The following CC2D2B variants were observed in gnomAD, a reference collection of about 807,000 sequenced individuals.
CC2D2B encodes protein CC2D2B.
In CC2D2B, 128 loss-of-function variants were observed where a neutral mutation model predicts 161.2. That is an observed-to-expected ratio of 0.79 (90% CI 0.69 to 0.92). The LOEUF is 0.92. Among genes scored for constraint, CC2D2B ranks in the 40% least tolerant of loss-of-function variants. The pLI, the probability that CC2D2B is intolerant of heterozygous loss-of-function variation, is 0.00. For synonymous variants in CC2D2B, 391 were observed against 449.8 expected, an observed-to-expected ratio of 0.87 and a Z score of 1.65; for missense variants, 1,173 against 1,375.1, an observed-to-expected ratio of 0.85 and a Z score of 2.32.
chr10:96,005,332 C>T (rs1207383675), intron 25 of CC2D2B, among the ~76,000 whole-genome samples: 1 of 151,930 alleles, frequency 6.6e-6, no homozygotes, highest in East Asian at 1.9e-4. Context: ...GAATGAGATC[C>T]ACATGCTTTA....
intron 28 of CC2D2B, among the ~76,000 whole-genome samples, chr10:96,013,490 A>AATT (rs1352508222): frequency 1.1e-5 from 1 of 88,788 alleles, no homozygotes; most frequent in Non-Finnish European, 2.3e-5. Context: ...TTTTAGTAAT[A>AATT]AATTAAATAA....
At chr10:95,922,768 T>A (rs1449717648) in intron 3 of CC2D2B, among the ~76,000 whole-genome samples, 1 of 152,128 alleles carries the variant, frequency 6.6e-6, no homozygotes, top group African/African-American at 2.4e-5. Flanking sequence ...AAATAACACA[T>A]GGCTTGGAGT....
chr10:95,961,241 G>A (rs148681668), intron 11 of CC2D2B, among the ~76,000 whole-genome samples: 108 of 152,094 alleles, frequency 7.1e-4, no homozygotes, highest in African/African-American at 2.3e-3. Context: ...ATCTTGTAGC[G>A]TTCTGGCAGG....
In CC2D2B at chr10:95,940,854, T is replaced by C. The variant is rs1272568929; in HGVS notation, c.801+1929T>C. ...CATTTCAAACTCCCAATGACATTTT[T>C]TTACAGAAATGGAAAAAAAATCCAA... On this transcript the variant is annotated intron_variant, in intron 9 of 34. Coordinates refer to ENST00000646931, the MANE Select transcript of CC2D2B (RefSeq NM_001349008.3). 3.9e-5 allele frequency among the ~76,000 whole-genome samples: 6 copies of C among 152,102 alleles called. No homozygotes were observed. The East Asian group carries it at 1.2e-3, about 29-fold the overall frequency.
intron 10 of CC2D2B, among the ~76,000 whole-genome samples, chr10:95,953,427 C>G (rs186505667): frequency 8.5e-5 from 13 of 152,270 alleles, no homozygotes; most frequent in African/African-American, 2.9e-4. Flanking sequence ...ACCTTGAAAT[C>G]TTGGCCTCAA....
chr10:95,936,732 G>C (rs2075835132), intron 6 of CC2D2B, among the ~76,000 whole-genome samples: 1 of 152,050 alleles, frequency 6.6e-6, no homozygotes, highest in Non-Finnish European at 1.5e-5. Flanking sequence ...TAAAAATATA[G>C]GCAGATTGGG....
At chr10:95,990,749 T>C (rs1171571567) in intron 20 of CC2D2B, among the ~76,000 whole-genome samples, 1 of 152,100 alleles carries the variant, frequency 6.6e-6, no homozygotes, top group African/African-American at 2.4e-5. Context: ...TGGTTTCATA[T>C]CTGAAAAACT....
At chr10:95,922,547 A>G (rs7905861) in intron 3 of CC2D2B, among the ~76,000 whole-genome samples, 42,711 of 152,192 alleles carry the variant, frequency 0.28, 6,586 homozygotes, top group African/African-American at 0.41. Flanking sequence ...GTGGTTAAAC[A>G]TGAAGATTCT....
chr10:95,967,433 A>T (rs1239803082), intron 14 of CC2D2B, among the ~76,000 whole-genome samples: 1 of 151,818 alleles, frequency 6.6e-6, no homozygotes, highest in Non-Finnish European at 1.5e-5. Context: ...ATCTTTGCAA[A>T]GCCATTGCCA....
chr10:95,929,600 A>G (rs1422580520), intron 6 of CC2D2B, among the ~76,000 whole-genome samples: 1 of 152,176 alleles, frequency 6.6e-6, no homozygotes, highest in Non-Finnish European at 1.5e-5. Context: ...GTCCAGTTTC[A>G]GTTTTCGGCA....
At chr10:95,918,827 CTG>C (rs2098521413) in intron 2 of CC2D2B, 1 of 151,994 alleles carries the variant, frequency 6.6e-6, no homozygotes, top group African/African-American at 2.4e-5. Flanking sequence ...TCTCCTCTGA[CTG>C]TGTATTTTCA....
At chr10:95,974,188 C>T (rs1359420101) in intron 17 of CC2D2B, 32 bp downstream of exon 17, 10 of 1,172,664 alleles carry the variant, frequency 8.5e-6, no homozygotes, top group South Asian at 8.7e-5. Flanking sequence ...AAAATAATGC[C>T]AGGTCTCAGC....
intron 29 of CC2D2B, 35 bp from the exon 30 acceptor site, chr10:96,016,166 C>CT: frequency 1.4e-6 from 2 of 1,463,788 alleles, no homozygotes; most frequent in Non-Finnish European, 1.9e-6. Context: ...CCGCACTTTT[C>CT]TTTTTTTGTT....
At chr10:96,026,174 G>C (rs2079766171) in intron 33 of CC2D2B, among the ~76,000 whole-genome samples, 1 of 152,128 alleles carries the variant, frequency 6.6e-6, no homozygotes, top group African/African-American at 2.4e-5. Context: ...GCTAAGAAGA[G>C]ACCTCCAGCA....
intron 31 of CC2D2B, 67 bp from the exon 32 acceptor site, chr10:96,019,635 T>C (rs2079367440): frequency 1.3e-6 from 2 of 1,489,478 alleles, no homozygotes; most frequent in Non-Finnish European, 1.8e-6. Context: ...ATTTTGCTCC[T>C]TCCTTACCAA....
chr10:95,924,453 C>A (rs1420315867), intron 4 of CC2D2B, 63 bp downstream of exon 4: 18 of 921,706 alleles, frequency 2.0e-5, no homozygotes, highest in Non-Finnish European at 2.8e-5. Flanking sequence ...TTAACACAAT[C>A]AAGTTTTCTT....
Position 95,965,984 on chromosome 10 carries a change from G to A in CC2D2B, c.1339G>A (p.Gly447Arg), listed in dbSNP as rs1465368717. The change falls in exon 13 of 35, where the codon GGG becomes AGG. Residue 447 changes from glycine (G) to arginine (R), a missense_variant. Gly to Arg is a moderately radical substitution (Grantham distance 125, BLOSUM62 -2). Coordinates refer to ENST00000646931, the MANE Select transcript of CC2D2B (RefSeq NM_001349008.3). ...AAATGAAGGAAAAGAACTTAAGAAT[G>A]GGAAAAAACTGGAGGTATTTATATT... ...KKNEGKELKN[G>R]KKLESLSYLA... 1.5e-5 allele frequency: 18 copies of A among 1,183,844 alleles called. No individual in the cohort carries two copies. The highest frequency in any genetic ancestry group is 1.9e-5 in the Non-Finnish European group (18 of 944,608). 73.3% of individuals were successfully genotyped at this position (1,183,844 alleles called of 1,614,324 possible). A position where few individuals can be genotyped will look rare whatever the true frequency, so the allele number is the denominator to read the frequency against.
Position 96,004,015 on chromosome 10 carries a change from A to G in CC2D2B, c.2850-137A>G, listed in dbSNP as rs560379545. ...AAAGGTAGCAGCCAGTCTTCAGAAC[A>G]TAGAACTTTTTCTTAGTTTATACTT... On this transcript the variant is annotated intron_variant, in intron 24 of 34. Transcript: ENST00000646931. The G allele has an allele frequency of 1.6e-5, 9 of 562,276 alleles. No individual in the cohort carries two copies. The East Asian group carries it at 2.0e-4, about 13-fold the overall frequency. 34.8% of individuals were successfully genotyped at this position (562,276 alleles called of 1,614,324 possible).
rs562975234 is a variant in CC2D2B, at chr10:96,030,982, A to T, written c.4126-838A>T. On this transcript the variant is annotated intron_variant, in intron 34 of 34. Coordinates refer to ENST00000646931, the MANE Select transcript of CC2D2B (RefSeq NM_001349008.3). ...ACCCTCTACTCCATTAGAAAACAGGAATTTTTTTAAAAAAGTTATCATTTT... is the reference window on the plus strand; with the variant it reads ...ACCCTCTACTCCATTAGAAAACAGGTATTTTTTTAAAAAAGTTATCATTTT... 5.9e-5 allele frequency among the ~76,000 whole-genome samples: 9 copies of T among 152,300 alleles called. No individual in the cohort carries two copies. In the South Asian group the frequency reaches 1.9e-3, roughly 32 times the overall value.
Sources: allele counts gnomAD v4.1 joint callset (sites outside exome capture counted in the v4.1 genomes callset), GRCh38; gene constraint gnomAD v4.1.1; transcripts MANE v1.5; gene names NCBI Gene and HGNC (gene_info 2026-07-23, HGNC 2026-07-21).